Variants in COL23A1 observed in about 807,000 individuals in gnomAD.
The protein encoded by COL23A1 is collagen type XXIII alpha 1 chain.
A neutral mutation model predicts 99.3 loss-of-function variants in COL23A1; 97 were observed. The ratio of observed to expected loss-of-function variants is 0.98; its 90% CI spans 0.83 to 1.16. The LOEUF is 1.16. Ranked by LOEUF, COL23A1 falls within the 50% of genes most tolerant of loss-of-function variation. The pLI, the probability that COL23A1 is intolerant of heterozygous loss-of-function variation, is 0.00. For missense variants in COL23A1, 762 were observed against 757.4 expected (o/e 1.01, Z -0.07); for synonymous variants, 320 against 308.2 (o/e 1.04, Z -0.40).
intron 2 of COL23A1, among the ~76,000 whole-genome samples, chr5:178,559,927 C>A (rs929447488): frequency 6.6e-6 from 1 of 151,514 alleles, no homozygotes; most frequent in African/African-American, 2.4e-5. Context: ...TTTCCCTGCA[C>A]GTCGGGAAGT....
chr5:178,565,576 A>G (rs1762802558), intron 1 of COL23A1, among the ~76,000 whole-genome samples: 1 of 152,146 alleles, frequency 6.6e-6, no homozygotes, highest in African/African-American at 2.4e-5. Context: ...AATACAACTG[A>G]AGTATTATTA....
chr5:178,445,740 A>G (rs552520506), intron 2 of COL23A1, among the ~76,000 whole-genome samples: 12 of 152,244 alleles, frequency 7.9e-5, no homozygotes, highest in Admixed American at 6.5e-4. Flanking sequence ...TATTTCTACT[A>G]TTAGGAGGGC....
intron 2 of COL23A1, among the ~76,000 whole-genome samples, chr5:178,554,011 A>G (rs1762141643): frequency 1.3e-5 from 2 of 152,168 alleles, no homozygotes; most frequent in Admixed American, 1.3e-4. Flanking sequence ...AGCTACTCTC[A>G]GAAACCCCAC....
chr5:178,457,539 A>T (rs35568008), intron 2 of COL23A1, among the ~76,000 whole-genome samples: 2,681 of 152,250 alleles, frequency 0.018, 36 homozygotes, highest in Middle Eastern at 0.11. Flanking sequence ...AATAGCAAAA[A>T]TTTCAATGTA....
intron 2 of COL23A1, among the ~76,000 whole-genome samples, chr5:178,400,798 C>T (rs559374133): frequency 5.3e-5 from 8 of 152,236 alleles, no homozygotes; most frequent in East Asian, 1.9e-4. Flanking sequence ...CCACTACGCC[C>T]GGCTAATTTT....
chr5:178,455,749 G>A (rs1168297908), intron 2 of COL23A1, among the ~76,000 whole-genome samples: 1 of 151,524 alleles, frequency 6.6e-6, no homozygotes, highest in Non-Finnish European at 1.5e-5. Context: ...CAGGCTCCAC[G>A]AGGAGGTCAG....
At chr5:178,448,019 T>C (rs1403824218) in intron 2 of COL23A1, among the ~76,000 whole-genome samples, 1 of 152,284 alleles carries the variant, frequency 6.6e-6, no homozygotes, top group South Asian at 2.1e-4. Flanking sequence ...AAAATTCATA[T>C]TGTTACCCCC....
chr5:178,558,425 G>T (rs554621278), intron 2 of COL23A1, among the ~76,000 whole-genome samples: 6 of 152,122 alleles, frequency 3.9e-5, no homozygotes, highest in African/African-American at 1.4e-4. Flanking sequence ...GCCATCATCT[G>T]TCTTGGGGAC....
At position 178,393,118 on chromosome 5, in the gene COL23A1, G is replaced by T. The variant is rs114303370; in HGVS notation, c.362-86199C>A. On this transcript the variant is annotated intron_variant, in intron 2 of 28. Transcript: ENST00000390654. ...ACCGTGCATTGTTGCCGAAGTAAACGATTTGTTGCATGCATATAAAACATC... is the reference window on the plus strand; with the variant it reads ...ACCGTGCATTGTTGCCGAAGTAAACTATTTGTTGCATGCATATAAAACATC... Among the ~76,000 whole-genome samples, 457 of 152,340 alleles carry T rather than the reference G, an allele frequency of 3.0e-3. 8 individuals are homozygous for T. The highest frequency in any genetic ancestry group is 0.011 in the African/African-American group (437 of 41,582).
intron 23 of COL23A1, 22 bp from the exon 24 acceptor site, chr5:178,246,329 C>G (rs969781759): frequency 1.9e-6 from 3 of 1,558,060 alleles, no homozygotes; most frequent in Admixed American, 3.9e-5. Flanking sequence ...AGGAATGAGT[C>G]AAGAGGCATG....
chr5:178,404,742 C>T (rs1248910418), intron 2 of COL23A1, among the ~76,000 whole-genome samples: 1 of 152,112 alleles, frequency 6.6e-6, no homozygotes, highest in Non-Finnish European at 1.5e-5. Context: ...CAGAGGCTCA[C>T]GTGATATTGA....
At chr5:178,383,993 C>T (rs755536870) in intron 2 of COL23A1, among the ~76,000 whole-genome samples, 3 of 152,054 alleles carry the variant, frequency 2.0e-5, no homozygotes, top group African/African-American at 7.2e-5. Flanking sequence ...TGTTAGCAAA[C>T]GAGGCCACGC....
At chr5:178,357,581 G>GGCCA (rs1761730214) in intron 2 of COL23A1, among the ~76,000 whole-genome samples, 1 of 152,200 alleles carries the variant, frequency 6.6e-6, no homozygotes, top group Non-Finnish European at 1.5e-5. Context: ...GGCCTCCAGG[G>GGCCA]GCCAGCCTTT....
intron 15 of COL23A1, among the ~76,000 whole-genome samples, chr5:178,256,088 C>T (rs539594427): frequency 6.6e-6 from 1 of 152,110 alleles, no homozygotes; most frequent in Admixed American, 6.6e-5. Context: ...GGTGGACATG[C>T]GCTTGAGGGG....
chr5:178,257,140 C>G (rs1765350203), intron 13 of COL23A1, among the ~76,000 whole-genome samples: 2 of 152,160 alleles, frequency 1.3e-5, no homozygotes, highest in South Asian at 4.1e-4. Context: ...TGGTGTGGGC[C>G]TTGGCACTTA....
chr5:178,261,635 G>T, intron 11 of COL23A1, 87 bp downstream of exon 11: 2 of 898,352 alleles, frequency 2.2e-6, no homozygotes, highest in Non-Finnish European at 3.7e-6. Context: ...ACTAGGGGTG[G>T]GGGGAAGAGA....
intron 2 of COL23A1, among the ~76,000 whole-genome samples, chr5:178,420,748 T>A (rs973288413): frequency 3.0e-5 from 4 of 133,814 alleles, no homozygotes; most frequent in Admixed American, 2.5e-4. Context: ...ACAAGGGGAA[T>A]GTGGGCTTTG....
intron 2 of COL23A1, among the ~76,000 whole-genome samples, chr5:178,347,653 C>T (rs1305895138): frequency 5.9e-5 from 9 of 151,636 alleles, no homozygotes; most frequent in African/African-American, 1.9e-4. Context: ...GGAGCTGAGG[C>T]GGGCGGATCA....
chr5:178,374,747 T>C (rs1581255677), intron 2 of COL23A1, among the ~76,000 whole-genome samples: 1 of 152,194 alleles, frequency 6.6e-6, no homozygotes, highest in Admixed American at 6.5e-5. Flanking sequence ...GTGGCACGAC[T>C]GGAACCCTCA....
Sources: allele counts gnomAD v4.1 joint callset (sites outside exome capture counted in the v4.1 genomes callset), GRCh38; gene constraint gnomAD v4.1.1; transcripts MANE v1.5; gene names NCBI Gene and HGNC (gene_info 2026-07-23, HGNC 2026-07-21).